B3GLCT: variants seen among roughly 807,000 people sequenced by gnomAD.
The protein encoded by B3GLCT is beta-1,3-glucosyltransferase.
B3GLCT carries 65 observed loss-of-function variants against 63.4 expected under a neutral mutation model. The ratio of observed to expected loss-of-function variants is 1.03; its 90% CI spans 0.84 to 1.26. The LOEUF (loss-of-function observed/expected upper bound fraction) is 1.26. Ranked by LOEUF, B3GLCT falls within the 50% of genes most tolerant of loss-of-function variation. The pLI is 0.00. For synonymous variants in B3GLCT, 233 were observed against 219.2 expected (o/e 1.06, Z -0.55); for missense variants, 577 against 604.8 (o/e 0.95, Z 0.48).
intron 2 of B3GLCT, among the ~76,000 whole-genome samples, chr13:31,221,207 A>G (rs866604255): frequency 1.3e-5 from 2 of 152,166 alleles, no homozygotes. Flanking sequence ...CTGTTTTTAG[A>G]TCTAACAATT....
intron 14 of B3GLCT, among the ~76,000 whole-genome samples, chr13:31,328,603 G>T (rs1436061463): frequency 7.5e-6 from 1 of 133,256 alleles, no homozygotes; most frequent in Non-Finnish European, 1.5e-5. Context: ...TGAGGCCGGA[G>T]AATCGCTTGA....
At chr13:31,235,037 C>A (rs1413562294) in intron 4 of B3GLCT, among the ~76,000 whole-genome samples, 1 of 152,078 alleles carries the variant, frequency 6.6e-6, no homozygotes, top group Non-Finnish European at 1.5e-5. Context: ...GTGCCCTCCA[C>A]CACAGCAGTT....
At chr13:31,320,299 A>G (rs985370302) in intron 13 of B3GLCT, among the ~76,000 whole-genome samples, 2 of 152,180 alleles carry the variant, frequency 1.3e-5, no homozygotes, top group South Asian at 2.1e-4. Flanking sequence ...TTGATCTGGG[A>G]TGAGTCCTCA....
chr13:31,327,297 C>G (rs1192647412), intron 14 of B3GLCT, among the ~76,000 whole-genome samples: 1 of 152,210 alleles, frequency 6.6e-6, no homozygotes, highest in Non-Finnish European at 1.5e-5. Flanking sequence ...TCCTTGAACA[C>G]AAGCACTGTG....
chr13:31,247,115 TCA>T lies in B3GLCT; in HGVS notation c.347+18_347+19del. 6.3e-7 allele frequency: 1 copy of T among 1,594,542 alleles called. No homozygotes were observed. Among genetic ancestry groups the T allele is most frequent in the Non-Finnish European group, 8.6e-7 (1 of 1,162,492 alleles). ...TGTTACCGCAGTACGTTTGTTTAAC[TCA>T]CCTGTGAATTACTGACATTCCTACC... is the stretch of plus-strand genomic sequence containing the variant. On this transcript the variant is annotated intron_variant, in intron 5 of 14. Transcript: ENST00000343307.
rs1875884063 is a variant in B3GLCT, at chr13:31,330,786, G to A, written c.*1118G>A. 1 of 151,874 alleles carries A rather than the reference G, an allele frequency of 6.6e-6. No homozygotes were observed. The highest frequency in any genetic ancestry group is 2.1e-4 in the South Asian group (1 of 4,816). The allele number at this position is 151,874 out of a possible 1,614,324, so 9.4% of individuals were successfully genotyped here. The stretch of plus-strand genomic sequence containing the variant: ...TAATTCAGTTTTTGTAAAGGTATTT[G>A]CATAAAATTTAATATGTCTTAAACT... On this transcript the variant is annotated 3_prime_UTR_variant, in exon 15 of 15. Transcript: ENST00000343307.
chr13:31,248,046 G>T (rs1275117353), intron 6 of B3GLCT, 80 bp downstream of exon 6: 1 of 801,692 alleles, frequency 1.2e-6, no homozygotes, highest in African/African-American at 1.7e-5. Context: ...AGAAGCTTTT[G>T]AATCTAATAA....
At chr13:31,329,224 T>C (rs1875789811) in intron 14 of B3GLCT, among the ~76,000 whole-genome samples, 1 of 152,216 alleles carries the variant, frequency 6.6e-6, no homozygotes, top group Non-Finnish European at 1.5e-5. Flanking sequence ...GCTTTTTGTA[T>C]TTATTACTAT....
At chr13:31,269,368 T>C (rs1163082887) in intron 8 of B3GLCT, 91 bp downstream of exon 8, 1 of 920,002 alleles carries the variant, frequency 1.1e-6, no homozygotes, top group African/African-American at 1.6e-5. Flanking sequence ...TAATCTTGCA[T>C]TTTCCCCACC....
chr13:31,315,302 T>C (rs1874939856), intron 12 of B3GLCT, among the ~76,000 whole-genome samples: 1 of 152,070 alleles, frequency 6.6e-6, no homozygotes, highest in African/African-American at 2.4e-5. Flanking sequence ...TGTAGAATAG[T>C]TTTGACCAAT....
intron 6 of B3GLCT, among the ~76,000 whole-genome samples, chr13:31,249,883 A>G (rs1399652273): frequency 6.6e-6 from 1 of 152,226 alleles, no homozygotes; most frequent in Non-Finnish European, 1.5e-5. Flanking sequence ...ATATTTACAC[A>G]AATAAACTTT....
intron 3 of B3GLCT, among the ~76,000 whole-genome samples, chr13:31,223,535 A>G (rs1593254578): frequency 6.6e-6 from 1 of 152,030 alleles, no homozygotes; most frequent in South Asian, 2.1e-4. Flanking sequence ...TACTTCTATC[A>G]TTGCCCATTC....
chr13:31,245,016 A>G (rs985641064), intron 4 of B3GLCT, among the ~76,000 whole-genome samples: 2 of 152,156 alleles, frequency 1.3e-5, no homozygotes, highest in African/African-American at 2.4e-5. Context: ...TCTTGTGTTC[A>G]CAAACTGAAG....
chr13:31,241,489 T>C (rs185486972), intron 4 of B3GLCT, among the ~76,000 whole-genome samples: 13 of 152,330 alleles, frequency 8.5e-5, no homozygotes, highest in African/African-American at 2.9e-4. Context: ...CTCCAGGGTG[T>C]AGGTCACTGT....
intron 4 of B3GLCT, among the ~76,000 whole-genome samples, chr13:31,230,627 A>G (rs374288613): frequency 4.6e-4 from 70 of 152,356 alleles, no homozygotes; most frequent in African/African-American, 1.6e-3. Context: ...TGCTTGAAAC[A>G]TCGTACTTTC....
chr13:31,247,789 A>C (rs1478112298), intron 5 of B3GLCT, 66 bp from the exon 6 acceptor site: 30 of 796,938 alleles, frequency 3.8e-5, no homozygotes, highest in Admixed American at 3.5e-4. Flanking sequence ...CCTACTGATC[A>C]GTTTTAAACC....
intron 12 of B3GLCT, among the ~76,000 whole-genome samples, chr13:31,295,507 C>T (rs1339246049): frequency 6.6e-6 from 1 of 152,186 alleles, no homozygotes; most frequent in Non-Finnish European, 1.5e-5. Flanking sequence ...TTAGAGATCC[C>T]CTGCCCAGAG....
At chr13:31,267,673 C>T (rs997838248) in intron 7 of B3GLCT, among the ~76,000 whole-genome samples, 1 of 152,164 alleles carries the variant, frequency 6.6e-6, no homozygotes, top group African/African-American at 2.4e-5. Flanking sequence ...AGCTGTGAGA[C>T]AAATGCTTTG....
chr13:31,298,726 C>G (rs1159785392), intron 12 of B3GLCT, among the ~76,000 whole-genome samples: 1 of 152,184 alleles, frequency 6.6e-6, no homozygotes, highest in East Asian at 1.9e-4. Flanking sequence ...CTAGCAGGTA[C>G]CTTCTCCTCA....
Sources: gnomAD v4.1 joint callset for allele counts (sites outside exome capture counted in the v4.1 genomes callset) on GRCh38, gnomAD v4.1.1 for gene constraint, MANE v1.5 for transcripts, NCBI Gene and HGNC (gene_info 2026-07-23, HGNC 2026-07-21) for gene names.